Variants in PARD3B observed in about 807,000 individuals in gnomAD.
PARD3B encodes par-3 family cell polarity regulator beta.
In PARD3B, 103 loss-of-function variants were observed where a neutral mutation model predicts 130.2. That is an observed-to-expected ratio of 0.79 (90% confidence interval 0.67 to 0.93). The LOEUF is 0.93. Ranked by LOEUF, PARD3B falls within the 40% of genes least tolerant of loss-of-function variation. PARD3B has a pLI of 0.00. For missense variants in PARD3B, 1,609 were observed against 1,499.2 expected, an observed-to-expected ratio of 1.07 and a Z score of -1.21; for synonymous variants, 583 against 553.2, an observed-to-expected ratio of 1.05 and a Z score of -0.76.
At chr2:205,566,084 G>A (rs2053323024) in intron 22 of PARD3B, among the ~76,000 whole-genome samples, 1 of 152,176 alleles carries the variant, frequency 6.6e-6, no homozygotes, top group South Asian at 2.1e-4. Context: ...AGGAGAACAC[G>A]TAATGAACAG....
chr2:204,847,039 T>C (rs2044489193), intron 2 of PARD3B, among the ~76,000 whole-genome samples: 1 of 152,110 alleles, frequency 6.6e-6, no homozygotes, highest in Non-Finnish European at 1.5e-5. Flanking sequence ...GGTTCAAGAA[T>C]AGAGTAGTCA....
At chr2:204,804,385 A>G (rs866533787) in intron 2 of PARD3B, among the ~76,000 whole-genome samples, 1 of 152,350 alleles carries the variant, frequency 6.6e-6, no homozygotes, top group Middle Eastern at 3.4e-3. Context: ...TCAAGACAAA[A>G]ACTATAAAAA....
chr2:205,396,850 T>C (rs1235798451), intron 18 of PARD3B, among the ~76,000 whole-genome samples: 1 of 152,150 alleles, frequency 6.6e-6, no homozygotes, highest in African/African-American at 2.4e-5. Flanking sequence ...CCATTCAGGG[T>C]TCGTGACTTT....
At chr2:204,765,888 G>A (rs558477619) in intron 2 of PARD3B, among the ~76,000 whole-genome samples, 78 of 152,252 alleles carry the variant, frequency 5.1e-4, no homozygotes, top group Non-Finnish European at 1.9e-4. Context: ...CAGCAATTTC[G>A]AGCCCATCGA....
chr2:204,634,273 TTAACA>T (rs1296198253), intron 1 of PARD3B, among the ~76,000 whole-genome samples: 1 of 152,194 alleles, frequency 6.6e-6, no homozygotes, highest in African/African-American at 2.4e-5. Flanking sequence ...CCTATTTCAC[TTAACA>T]TAATGATCTC....
intron 2 of PARD3B, among the ~76,000 whole-genome samples, chr2:204,845,119 T>C (rs2125594297): frequency 6.6e-6 from 1 of 152,266 alleles, no homozygotes; most frequent in Admixed American, 6.5e-5. Flanking sequence ...AAACTGGAAG[T>C]CAATTTGAGA....
At chr2:204,663,590 C>T (rs2035908449) in intron 1 of PARD3B, among the ~76,000 whole-genome samples, 1 of 152,098 alleles carries the variant, frequency 6.6e-6, no homozygotes, top group Non-Finnish European at 1.5e-5. Flanking sequence ...GGCATTGGAC[C>T]TGGGCTTACA....
chr2:205,099,855 T>C (rs1206509296), intron 4 of PARD3B, among the ~76,000 whole-genome samples: 6 of 152,194 alleles, frequency 3.9e-5, no homozygotes, highest in Non-Finnish European at 7.4e-5. Flanking sequence ...CCTTTTTTGA[T>C]AGCTTCGGCA....
chr2:204,815,192 T>C (rs1338955612), intron 2 of PARD3B, among the ~76,000 whole-genome samples: 1 of 151,908 alleles, frequency 6.6e-6, no homozygotes, highest in African/African-American at 2.4e-5. Flanking sequence ...AAAAACAAAT[T>C]CAATTACTTT....
intron 1 of PARD3B, among the ~76,000 whole-genome samples, chr2:204,561,812 GTCTTGAAC>G (rs1370602356): frequency 1.3e-5 from 2 of 151,992 alleles, no homozygotes; most frequent in Admixed American, 1.3e-4. Context: ...GGGCAGGCTG[GTCTTGAAC>G]TCCTGACCTC....
intron 3 of PARD3B, among the ~76,000 whole-genome samples, chr2:205,040,283 A>G (rs1272870836): frequency 6.6e-6 from 1 of 152,180 alleles, no homozygotes; most frequent in Non-Finnish European, 1.5e-5. Context: ...TTTATTGGCT[A>G]TCTAAATTAG....
At position 205,315,644 on chromosome 2, in the gene PARD3B, AGTTT is replaced by A. The variant is rs372865103; in HGVS notation, c.2630+13968_2630+13971del. ...TCAATGCCCTCTATATTCTCGTCCC[AGTTT>A]GTTTGTTTGTTTGTTTGTTTGTTTT... On this transcript the variant is annotated intron_variant, in intron 18 of 22. Coordinates refer to ENST00000406610, the MANE Select transcript of PARD3B (RefSeq NM_001302769.2). Among the ~76,000 whole-genome samples the A allele has an allele frequency of 2.0e-3, 303 of 152,122 alleles. 3 individuals are homozygous for A. The highest frequency in any genetic ancestry group is 3.4e-3 in the Middle Eastern group (1 of 294).
At chr2:205,608,044 G>C (rs1021075467) in intron 22 of PARD3B, among the ~76,000 whole-genome samples, 1 of 152,104 alleles carries the variant, frequency 6.6e-6, no homozygotes, top group Non-Finnish European at 1.5e-5. Context: ...GTAAAGATGT[G>C]GCCATGATGC....
intron 12 of PARD3B, among the ~76,000 whole-genome samples, chr2:205,174,095 A>G (rs1253598103): frequency 6.6e-6 from 1 of 152,216 alleles, no homozygotes; most frequent in Non-Finnish European, 1.5e-5. Context: ...ATGACAGCAG[A>G]TAGGCGTTAT....
chr2:205,521,042 T>C (rs1575235178), intron 21 of PARD3B, among the ~76,000 whole-genome samples: 1 of 151,404 alleles, frequency 6.6e-6, no homozygotes, highest in East Asian at 1.9e-4. Context: ...TATTTAAAAT[T>C]TGGCACATAT....
Position 205,125,157 on chromosome 2 carries a change from A to AT in PARD3B, c.1306-451dup, listed in dbSNP as rs899513300. On this transcript the variant is annotated intron_variant, in intron 9 of 22. Transcript: ENST00000406610. This position sits in a 1 kb window ranked among gnomAD's most constrained non-coding sequence, Gnocchi z 4.0. The stretch of plus-strand genomic sequence containing the variant: ...TCCAAATTAGAATTTCCCTTAATCT[A>AT]TGATAATCTGGTGACTATAATTTTC... Among the ~76,000 whole-genome samples, 19 of 152,210 alleles carry AT rather than the reference A, an allele frequency of 1.2e-4. No individual in the cohort carries two copies.
intron 18 of PARD3B, among the ~76,000 whole-genome samples, chr2:205,339,509 C>T (rs2043438857): frequency 6.6e-6 from 1 of 152,150 alleles, no homozygotes; most frequent in African/African-American, 2.4e-5. Context: ...CTCAAGCTTA[C>T]TGAATTAGAA....
chr2:205,472,872 G>A (rs1046182358), intron 20 of PARD3B, among the ~76,000 whole-genome samples: 1 of 152,066 alleles, frequency 6.6e-6, no homozygotes, highest in African/African-American at 2.4e-5. Context: ...TGTATAGAGG[G>A]GGGGAACAGA....
intron 4 of PARD3B, among the ~76,000 whole-genome samples, chr2:205,073,245 G>A (rs954472831): frequency 4.6e-5 from 7 of 152,110 alleles, no homozygotes; most frequent in South Asian, 2.1e-4. Flanking sequence ...CCCCTCTTGT[G>A]TAAACAGCAG....
Sources: allele counts gnomAD v4.1 joint callset (sites outside exome capture counted in the v4.1 genomes callset), GRCh38; gene constraint gnomAD v4.1.1; non-coding constraint Gnocchi (gnomAD v3.1); transcripts MANE v1.5; gene names NCBI Gene and HGNC (gene_info 2026-07-23, HGNC 2026-07-21).